Variants in CENPC observed in about 807,000 individuals in gnomAD.
CENPC encodes centromere protein C, also known as CENP-C 1.
In CENPC, 63 loss-of-function variants were observed where a neutral mutation model predicts 112.1. The observed-to-expected ratio is 0.56, with a 90% confidence interval of 0.46 to 0.69. The LOEUF is 0.69. Among genes scored for constraint, CENPC ranks in the 30% least tolerant of loss-of-function variants. The pLI is 0.00. For missense variants in CENPC, 1,000 were observed against 1,103.8 expected, an observed-to-expected ratio of 0.91 and a Z score of 1.33; for synonymous variants, 333 against 367.6, an observed-to-expected ratio of 0.91 and a Z score of 1.08.
At chr4:67,492,331 C>T (rs1213123520) in intron 15 of CENPC, 56 bp from the exon 16 acceptor site, 2 of 1,176,220 alleles carry the variant, frequency 1.7e-6, no homozygotes, top group Non-Finnish European at 2.4e-6. Flanking sequence ...ATTCTCAATC[C>T]CAAAAAGTTC....
intron 4 of CENPC, among the ~76,000 whole-genome samples, chr4:67,533,315 C>T (rs1726616436): frequency 1.3e-5 from 2 of 152,172 alleles, no homozygotes; most frequent in South Asian, 4.1e-4. Context: ...GCCTTTCGCC[C>T]TATGCCATGA....
At chr4:67,521,054 T>TAAATAAAC (rs869292132) in intron 5 of CENPC, among the ~76,000 whole-genome samples, 1 of 134,136 alleles carries the variant, frequency 7.5e-6, no homozygotes, top group Non-Finnish European at 1.6e-5. Context: ...AATAAATAAA[T>TAAATAAAC]AACACAGGAA....
At chr4:67,475,596 G>C (rs951852418) in intron 17 of CENPC, among the ~76,000 whole-genome samples, 1 of 152,118 alleles carries the variant, frequency 6.6e-6, no homozygotes, top group Non-Finnish European at 1.5e-5. Context: ...GATAATACAA[G>C]AGTATTGTTT....
In CENPC at chr4:67,541,017, A is replaced by G; in HGVS notation, c.99T>C (p.Asn33=). The G allele has an allele frequency of 1.2e-6, 2 of 1,610,340 alleles. No homozygotes were observed. Among genetic ancestry groups the G allele is most frequent in the African/African-American group, 1.3e-5 (1 of 74,966 alleles). The part of the protein sequence containing the change: ...ARDINTEQGQ[N]VLEILQDCFE... ...AACAGTCTTGTAAGATTTCCAGAAC[A>G]TTCTGGCCTTGCTCTGTGTTAATGT... Residue 33 remains asparagine, a synonymous_variant, in exon 3 of 19, where the codon AAT becomes AAC. Transcript: ENST00000273853.
Position 67,506,911 on chromosome 4 carries a change from T to G in CENPC, c.1928A>C (p.Glu643Ala). Residue 643 changes from glutamate to alanine, a missense_variant, in exon 11 of 19, where the codon GAA (glutamate) becomes GCA (alanine). Transcript: ENST00000273853. ...ATTCTGTGCAGTCATAATGTTATCT[T>G]CATTCTTTGAGCTTCTTGTAGATCT... is the stretch of plus-strand genomic sequence containing the variant. ...CSRSTRSSKNEDNIMTAQNVP... is the reference protein window; with the variant it reads ...CSRSTRSSKNADNIMTAQNVP... 6.2e-7 allele frequency: 1 copy of G among 1,609,740 alleles called. No homozygotes were observed.
At chr4:67,524,056 T>A (rs1726304224) in intron 5 of CENPC, among the ~76,000 whole-genome samples, 1 of 149,126 alleles carries the variant, frequency 6.7e-6, no homozygotes, top group Admixed American at 6.7e-5. Flanking sequence ...TGGGAAAAAA[T>A]AAAGAGCAGA....
At chr4:67,476,516 T>G (rs1724809249) in intron 17 of CENPC, among the ~76,000 whole-genome samples, 1 of 152,156 alleles carries the variant, frequency 6.6e-6, no homozygotes, top group Non-Finnish European at 1.5e-5. Context: ...TACTCCTGGT[T>G]TCCAAGGAAA....
At position 67,484,420 on chromosome 4, in the gene CENPC, C is replaced by A. The variant is rs143988161; in HGVS notation, c.2670+5547G>T. 6.6e-3 allele frequency among the ~76,000 whole-genome samples: 1,002 copies of A among 152,326 alleles called. 15 individuals are homozygous for A. Among genetic ancestry groups the A allele is most frequent in the African/African-American group, 0.022 (930 of 41,564 alleles). On this transcript the variant is annotated intron_variant, in intron 17 of 18. Transcript: ENST00000273853. ...CCCCCAGGACAGGGACCGCTACTGG[C>A]AGTGGCCTGTTAGGAATGGGCTCAC... is the stretch of plus-strand genomic sequence containing the variant.
intron 10 of CENPC, among the ~76,000 whole-genome samples, chr4:67,507,956 A>G (rs1289351418): frequency 6.6e-6 from 1 of 152,160 alleles, no homozygotes; most frequent in East Asian, 1.9e-4. Flanking sequence ...ATTTTAGGAC[A>G]CACTGTCATT....
rs765909865 is a variant in CENPC at position 67,514,333 on chromosome 4, A to G, written c.1185T>C (p.Tyr395=). The change falls in exon 8 of 19, where the codon TAT becomes TAC. Residue 395 remains tyrosine, a synonymous_variant. Coordinates refer to ENST00000273853, the MANE Select transcript of CENPC (RefSeq NM_001812.4). The stretch of plus-strand genomic sequence containing the variant: ...AATACATTTCATATTTTGTAGATCT[A>G]TAATTATTTACTGTTTCACCTATCA... The part of the protein sequence containing the change: ...YALIGETVNN[Y]RSTKYEMYSK... 1.2e-6 allele frequency: 2 copies of G among 1,611,692 alleles called. No homozygotes were observed. The highest frequency in any genetic ancestry group is 2.2e-5 in the South Asian group (2 of 90,884).
chr4:67,519,172 G>GTA, intron 6 of CENPC, 45 bp downstream of exon 6: 1 of 1,401,494 alleles, frequency 7.1e-7, no homozygotes. Context: ...AATACAAAAA[G>GTA]TAAAATTTTT....
At chr4:67,476,991 C>T (rs1329056662) in intron 17 of CENPC, among the ~76,000 whole-genome samples, 2 of 152,108 alleles carry the variant, frequency 1.3e-5, no homozygotes, top group Non-Finnish European at 2.9e-5. Flanking sequence ...ATATTTTCAT[C>T]CCCTACAGTG....
intron 4 of CENPC, among the ~76,000 whole-genome samples, chr4:67,534,665 ATACT>A (rs1381286338): frequency 2.0e-5 from 3 of 152,240 alleles, no homozygotes; most frequent in African/African-American, 4.8e-5. Context: ...TTTGTCAGAA[ATACT>A]TACTAGGCCA....
rs1424063908 is a variant in CENPC, at chr4:67,491,445, TCATATATATATATATA to T, written c.2515+719_2515+734del. ...ACAGTTGTTAATATATTTAAATATTTCATATATATATATATATATATATATATATATATATAGAGAG... is the reference window on the plus strand; with the variant it reads ...ACAGTTGTTAATATATTTAAATATTTTATATATATATATATATATAGAGAG... On this transcript the variant is annotated intron_variant, in intron 16 of 18. Coordinates refer to ENST00000273853, the MANE Select transcript of CENPC (RefSeq NM_001812.4). Among the ~76,000 whole-genome samples, 22 of 64,170 alleles carry T rather than the reference TCATATATATATATATA, an allele frequency of 3.4e-4. 1 individual carries two copies. Among genetic ancestry groups the T allele is most frequent in the South Asian group, 2.5e-3 (4 of 1,610 alleles). The allele number at this position is 64,170 out of a possible 152,430, so 42.1% of individuals were successfully genotyped here.
At chr4:67,485,144 T>G (rs1267809485) in intron 17 of CENPC, among the ~76,000 whole-genome samples, 1 of 152,164 alleles carries the variant, frequency 6.6e-6, no homozygotes, top group Non-Finnish European at 1.5e-5. Flanking sequence ...TGTATGCCTC[T>G]TTAAAGGTCA....
chr4:67,471,520 T>G lies in CENPC; in HGVS notation c.*1085A>C, dbSNP rs963688243. 9 of 151,762 alleles carry G rather than the reference T, an allele frequency of 5.9e-5. No homozygotes were observed. The highest frequency in any genetic ancestry group is 2.2e-4 in the African/African-American group (9 of 41,294). The allele number at this position is 151,762 out of a possible 1,614,324, so 9.4% of individuals were successfully genotyped here. On this transcript the variant is annotated 3_prime_UTR_variant, in exon 19 of 19. Transcript: ENST00000273853. The stretch of plus-strand genomic sequence containing the variant: ...TCAATAAGACTTCATAACAAATATA[T>G]TCAAAGAAATAAAAGTAAAAAAAAA...
intron 3 of CENPC, 49 bp from the exon 4 acceptor site, chr4:67,539,983 TA>T: frequency 1.0e-6 from 1 of 957,992 alleles, no homozygotes; most frequent in Non-Finnish European, 1.5e-6. Flanking sequence ...GTGTAATATC[TA>T]TTAGTCACAA....
intron 18 of CENPC, among the ~76,000 whole-genome samples, chr4:67,473,609 G>GTA (rs1485679180): frequency 6.6e-6 from 1 of 152,118 alleles, no homozygotes; most frequent in Non-Finnish European, 1.5e-5. Flanking sequence ...CTGGAGTGCA[G>GTA]TAGTACAATC....
chr4:67,474,644 G>A (rs2109757212), intron 18 of CENPC: 2 of 388,680 alleles, frequency 5.1e-6, no homozygotes, highest in East Asian at 1.3e-4. Flanking sequence ...GCTACAGTGA[G>A]CTGAGATCGT....
Sources: allele counts gnomAD v4.1 joint callset (sites outside exome capture counted in the v4.1 genomes callset), GRCh38; gene constraint gnomAD v4.1.1; transcripts MANE v1.5; gene names NCBI Gene and HGNC (gene_info 2026-07-23, HGNC 2026-07-21).